CARS2: variants seen among roughly 807,000 people sequenced by gnomAD.
CARS2 encodes the protein probable cysteine--tRNA ligase, mitochondrial.
Under a neutral mutation model 68.8 loss-of-function variants are expected in CARS2, and 52 were observed. That is an observed-to-expected ratio of 0.76 (90% CI 0.61 to 0.95). The LOEUF (loss-of-function observed/expected upper bound fraction) is 0.95, where lower values mean the gene tolerates loss of function less well. Ranked by LOEUF, CARS2 falls within the 40% of genes least tolerant of loss-of-function variation. The pLI, the probability that CARS2 is intolerant of heterozygous loss-of-function variation, is 0.00. For synonymous variants in CARS2, 314 were observed against 303.6 expected (o/e 1.03, Z -0.36); for missense variants, 780 against 754.2 (o/e 1.03, Z -0.40).
rs1439475292 is a variant in CARS2, at chr13:110,647,210, G to A, written c.1084C>T (p.Gln362Ter). Residue 362 changes from glutamine (Q) to a stop codon, truncating the protein, a stop_gained, in exon 11 of 15, where the codon CAA (glutamine) becomes TAA (stop). Transcript: ENST00000257347. LOFTEE classifies it high-confidence loss of function. ...AIDYSDSAMLQAQQLLLGLGS... is the reference protein window; with the variant it reads ...AIDYSDSAML Reference sequence around the variant, plus strand: ...AGCCCCAGGAGCAGCTGCTGAGCTTGGAGCATGGCGCTGTCACTGTAGTCG... The same window carrying A: ...AGCCCCAGGAGCAGCTGCTGAGCTTAGAGCATGGCGCTGTCACTGTAGTCG... 4 of 1,613,262 alleles carry A rather than the reference G, an allele frequency of 2.5e-6. No homozygotes were observed. In the Admixed American group the frequency reaches 6.7e-5, roughly 27 times the overall value.
At chr13:110,667,181 A>C (rs1566683263) in intron 8 of CARS2, among the ~76,000 whole-genome samples, 159 bp downstream of exon 8, 1 of 152,240 alleles carries the variant, frequency 6.6e-6, no homozygotes, top group Non-Finnish European at 1.5e-5. Context: ...AAGGAAGCTC[A>C]TGTTCAAATG....
At chr13:110,649,705 G>A (rs1288734782) in intron 10 of CARS2, among the ~76,000 whole-genome samples, 1 of 152,132 alleles carries the variant, frequency 6.6e-6, no homozygotes, top group Admixed American at 6.5e-5. Flanking sequence ...AGCGACCCAG[G>A]GCCTCGGCAG....
chr13:110,649,710 C>T lies in CARS2; in HGVS notation c.1054+1324G>A, dbSNP rs140632360. ...TGACAACAGCAGCGACCCAGGGCCT[C>T]GGCAGTGTCAATGGAGCAGAGGGGA... On this transcript the variant is annotated intron_variant, in intron 10 of 14. Transcript: ENST00000257347. Among the ~76,000 whole-genome samples the T allele has an allele frequency of 1.5e-3, 229 of 152,244 alleles. No individual in the cohort carries two copies. In the Middle Eastern group the frequency reaches 0.017, roughly 11 times the overall value.
Position 110,658,858 on chromosome 13 carries a change from G to A in CARS2, c.987+4593C>T, listed in dbSNP as rs2062434289. ...GCAGGAGAATCATTTGAACCTGGGA[G>A]GTGGAGGTTGCAGTGAGCTGAGATC... On this transcript the variant is annotated intron_variant, in intron 9 of 14. Transcript: ENST00000257347. 2.6e-5 allele frequency among the ~76,000 whole-genome samples: 4 copies of A among 152,278 alleles called. No individual in the cohort carries two copies. The South Asian group carries it at 8.3e-4, about 32-fold the overall frequency.
At chr13:110,650,882 G>A (rs902217363) in intron 10 of CARS2, 152 bp downstream of exon 10, 6 of 618,576 alleles carry the variant, frequency 9.7e-6, no homozygotes, top group South Asian at 9.7e-5. Flanking sequence ...TCGTCCTCTG[G>A]GTTCACTCTC....
upstream of CARS2, among the ~76,000 whole-genome samples, chr13:110,708,720 C>T (rs566974352): frequency 2.6e-4 from 39 of 151,932 alleles, no homozygotes; most frequent in African/African-American, 8.9e-4. Flanking sequence ...TGCACACCAC[C>T]GTGCCCAGCT....
Position 110,705,672 on chromosome 13 carries a change from T to TG in CARS2, c.225-102dup, listed in dbSNP as rs1566365386. On this transcript the variant is annotated intron_variant, in intron 1 of 14. Transcript: ENST00000257347. The surrounding 1 kb of genome is among the most constrained non-coding windows in gnomAD (Gnocchi z 4.0). ...ATATAATTTTTAAAGTAATCACTTC[T>TG]GGGGGATGAATAGCCGGGGTTTTCA... 3.4e-6 allele frequency: 5 copies of TG among 1,473,312 alleles called. No homozygotes were observed. Among genetic ancestry groups the TG allele is most frequent in the East Asian group, 2.4e-5 (1 of 41,622 alleles). The allele number at this position is 1,473,312 out of a possible 1,614,324, so 91.3% of individuals were successfully genotyped here.
intron 5 of CARS2, among the ~76,000 whole-genome samples, chr13:110,685,895 C>T (rs1356097702): frequency 2.0e-5 from 3 of 150,828 alleles, no homozygotes; most frequent in Non-Finnish European, 4.4e-5. Flanking sequence ...AATGAAACCA[C>T]CTGCAGTAAG....
chr13:110,670,391 G>A lies in CARS2; in HGVS notation c.786-2918C>T, dbSNP rs563843131. Among the ~76,000 whole-genome samples, 23 of 152,284 alleles carry A rather than the reference G, an allele frequency of 1.5e-4. No individual in the cohort carries two copies. Among genetic ancestry groups the A allele is most frequent in the Admixed American group, 6.5e-4 (10 of 15,302 alleles). ...GAAGGATCATGCAGCAACATTTGCC[G>A]TTCTGCAATATTTGCTGTTCTGCAG... On this transcript the variant is annotated intron_variant, in intron 7 of 14. Transcript: ENST00000257347. This position sits in a 1 kb window ranked among gnomAD's most constrained non-coding sequence, Gnocchi z 4.1.
At chr13:110,643,009 C>T (rs1887609078) in intron 13 of CARS2, 5 of 350,240 alleles carry the variant, frequency 1.4e-5, no homozygotes, top group Non-Finnish European at 2.3e-5. Context: ...AGAACAGATC[C>T]TGGGGCGGTG....
Position 110,665,083 on chromosome 13 carries a change from T to C in CARS2, c.920-1565A>G. 6.1e-6 allele frequency: 6 copies of C among 985,426 alleles called. No homozygotes were observed. The highest frequency in any genetic ancestry group is 1.7e-5 in the African/African-American group (1 of 57,352). The allele number at this position is 985,426 out of a possible 1,614,324, so 61.0% of individuals were successfully genotyped here. On this transcript the variant is annotated intron_variant, in intron 8 of 14. Coordinates refer to ENST00000257347, the MANE Select transcript of CARS2 (RefSeq NM_024537.4). This position sits in a 1 kb window ranked among gnomAD's most constrained non-coding sequence, Gnocchi z 4.3. Reference sequence around the variant, plus strand: ...CGTCAGGAGACACTGATGTTTTGTTTGGGGCCAAACTAGTATGAAAAAGAT... The same window carrying C: ...CGTCAGGAGACACTGATGTTTTGTTCGGGGCCAAACTAGTATGAAAAAGAT...
exon 1 of CARS2, chr13:110,713,370 C>G: frequency 2.8e-6 from 3 of 1,058,542 alleles, no homozygotes; most frequent in Non-Finnish European, 3.4e-6. Context: ...AAGCAGGCCG[C>G]TCCCCTGCGT....
intron 9 of CARS2, among the ~76,000 whole-genome samples, chr13:110,652,889 T>A (rs530932962): frequency 1.0e-3 from 157 of 152,208 alleles, no homozygotes; most frequent in Middle Eastern, 3.4e-3. Context: ...TTTCCTTCGA[T>A]GGTCAGTGTA....
chr13:110,651,955 C>G (rs61970545), intron 9 of CARS2, among the ~76,000 whole-genome samples: 1 of 152,160 alleles, frequency 6.6e-6, no homozygotes, highest in Non-Finnish European at 1.5e-5. Flanking sequence ...AGCCGAGCTC[C>G]GACTGCACCC....
At chr13:110,675,310 A>C (rs554279468) in intron 7 of CARS2, among the ~76,000 whole-genome samples, 1 of 152,206 alleles carries the variant, frequency 6.6e-6, no homozygotes, top group Non-Finnish European at 1.5e-5. Flanking sequence ...AACCAACCCA[A>C]ATGTCCACCA....
intron 10 of CARS2, 81 bp downstream of exon 10, chr13:110,650,953 T>G: frequency 1.0e-6 from 1 of 999,314 alleles, no homozygotes; most frequent in Admixed American, 1.9e-5. Context: ...TTCTCTGGCC[T>G]GCATTTTGCT....
intron 14 of CARS2, among the ~76,000 whole-genome samples, chr13:110,641,958 T>C (rs1887382183): frequency 6.6e-6 from 1 of 152,146 alleles, no homozygotes; most frequent in Non-Finnish European, 1.5e-5. Flanking sequence ...TCCTGGCACT[T>C]TGGGAGGCTG....
chr13:110,708,907 C>T (rs1312427042), upstream of CARS2, among the ~76,000 whole-genome samples: 1 of 151,812 alleles, frequency 6.6e-6, no homozygotes, highest in Non-Finnish European at 1.5e-5. Flanking sequence ...GTGCGTGCCA[C>T]CACGCTCAGC....
chr13:110,657,120 TAAAAC>T (rs1271644388), intron 9 of CARS2, among the ~76,000 whole-genome samples: 2 of 144,082 alleles, frequency 1.4e-5, no homozygotes, highest in African/African-American at 2.7e-5. Flanking sequence ...TATTTTAAGA[TAAAAC>T]AAAAAGTTGA....
Sources: allele counts gnomAD v4.1 joint callset (sites outside exome capture counted in the v4.1 genomes callset), GRCh38; gene constraint gnomAD v4.1.1; non-coding constraint Gnocchi (gnomAD v3.1); transcripts MANE v1.5; gene names NCBI Gene and HGNC (gene_info 2026-07-23, HGNC 2026-07-21).